Variants in RIPPLY1 observed in about 807,000 individuals in gnomAD.
RIPPLY1 encodes the protein ripply transcriptional repressor 1.
Under a neutral mutation model 8.7 loss-of-function variants are expected in RIPPLY1, and 10 were observed. That is an observed-to-expected ratio of 1.15 (90% CI 0.71 to 1.94). The LOEUF (loss-of-function observed/expected upper bound fraction) is 1.94, where lower values mean the gene tolerates loss of function less well. Ranked by LOEUF, RIPPLY1 falls within the 30% of genes most tolerant of loss-of-function variation. The pLI, the probability that RIPPLY1 is intolerant of heterozygous loss-of-function variation, is 0.00. For synonymous variants in RIPPLY1, 54 were observed against 44.8 expected (o/e 1.20, Z -0.82); for missense variants, 118 against 108.7 (o/e 1.09, Z -0.38).
Position 106,902,156 on chromosome X carries a change from C to T in RIPPLY1, c.215G>A (p.Arg72Lys). ...SSTNDSPRQM[R>K]KLVDLAAGGA... Reference sequence around the variant, plus strand: ...CGAACTCACCAAATCCACCAGCTTCCTCATCTGCCTTGGGGAGTCATTTGT... The same window carrying T: ...CGAACTCACCAAATCCACCAGCTTCTTCATCTGCCTTGGGGAGTCATTTGT... The change falls in exon 2 of 4, where the codon AGG (arginine) becomes AAG (lysine). Residue 72 changes from arginine (R) to lysine (K), a missense_variant. Physicochemically the swap from Arg to Lys is conservative, Grantham distance 26. Transcript: ENST00000276173. The T allele has an allele frequency of 8.4e-7, 1 of 1,194,964 alleles. No individual in the cohort carries two copies. The highest frequency in any genetic ancestry group is 1.1e-6 in the Non-Finnish European group (1 of 886,871).
At chrX:106,902,740 G>A (rs1156892906) in intron 1 of RIPPLY1, among the ~76,000 whole-genome samples, 5 of 112,102 alleles carry the variant, frequency 4.5e-5, no homozygotes, top group Non-Finnish European at 9.4e-5. Flanking sequence ...GGCGTGGTCA[G>A]GAAAAAGACA....
At chrX:106,902,315 C>T in intron 1 of RIPPLY1, 100 bp from the exon 2 acceptor site, 1 of 672,697 alleles carries the variant, frequency 1.5e-6, no homozygotes, top group Non-Finnish European at 2.3e-6. Flanking sequence ...CAGGTGCCAT[C>T]TGCTCCAGGA....
rs556793491 is a variant in RIPPLY1 at position 106,900,734 on chromosome X, C to G, written c.*15G>C. On this transcript the variant is annotated 3_prime_UTR_variant, in exon 4 of 4. Transcript: ENST00000276173. ...GTACCCTCACACACCCTTCTGGCCCCTTTTCATTGGCCTCCTACTTCTCTT... is the reference window on the plus strand; with the variant it reads ...GTACCCTCACACACCCTTCTGGCCCGTTTTCATTGGCCTCCTACTTCTCTT... 8.3e-7 allele frequency: 1 copy of G among 1,198,019 alleles called. No homozygotes were observed. The highest frequency in any genetic ancestry group is 1.1e-6 in the Non-Finnish European group (1 of 889,123).
chrX:106,901,339 G>A, intron 3 of RIPPLY1, 135 bp downstream of exon 3: 1 of 621,998 alleles, frequency 1.6e-6, no homozygotes, highest in Non-Finnish European at 2.5e-6. Context: ...ACCTCTCTGG[G>A]CTCCAGTTTT....
In RIPPLY1 at chrX:106,900,672, G is replaced by C; in HGVS notation, c.*77C>G. The C allele has an allele frequency of 8.8e-7, 1 of 1,131,136 alleles. No homozygotes were observed. Among genetic ancestry groups the C allele is most frequent in the Non-Finnish European group, 1.2e-6 (1 of 854,594 alleles). 93.2% of individuals were successfully genotyped at this position (1,131,136 alleles called of 1,213,427 possible). ...ATTTGGATAGGTTAGGGGTGAGGAA[G>C]GGGGATGAGCTGTGGCGCTGTAGGG... On this transcript the variant is annotated 3_prime_UTR_variant, in exon 4 of 4. Coordinates refer to ENST00000276173, the MANE Select transcript of RIPPLY1 (RefSeq NM_138382.3).
rs1490812601 is a variant in RIPPLY1, at chrX:106,903,162, G to A, written c.126C>T (p.Ser42=). Residue 42 remains serine (S), a synonymous_variant, in exon 1 of 4, where the codon TCC becomes TCT. Transcript: ENST00000276173. ...PGLLSPSCLL[S]SGQEVNGSER... is the part of the protein sequence containing the mutation. The stretch of plus-strand genomic sequence containing the variant: ...CACTCCCATTTACTTCTTGTCCAGA[G>A]GAGAGAAGGCAAGATGGGCTTAACA... The A allele has an allele frequency of 3.3e-6, 4 of 1,210,049 alleles. No homozygotes were observed. Among genetic ancestry groups the A allele is most frequent in the Non-Finnish European group, 4.5e-6 (4 of 895,024 alleles).
Position 106,900,833 on chromosome X carries a change from G to A in RIPPLY1, c.372C>T (p.Val124=). Residue 124 remains valine (V), a synonymous_variant, in exon 4 of 4, where the codon GTC becomes GTT. Transcript: ENST00000276173. Reference sequence around the variant, plus strand: ...CCTCGTATAGGTTGATGGTTGCCTGGACAGGAAAGTTCTGCAGTAAAATCT... The same window carrying A: ...CCTCGTATAGGTTGATGGTTGCCTGAACAGGAAAGTTCTGCAGTAAAATCT... The part of the protein sequence containing the change: ...AGEILLQNFP[V]QATINLYEDS... 1 of 1,211,518 alleles carries A rather than the reference G, an allele frequency of 8.3e-7. No homozygotes were observed. Among genetic ancestry groups the A allele is most frequent in the Non-Finnish European group, 1.1e-6 (1 of 895,405 alleles).
In RIPPLY1 at chrX:106,900,627, A is replaced by G. The variant is rs1193356261; in HGVS notation, c.*122T>C. On this transcript the variant is annotated 3_prime_UTR_variant, in exon 4 of 4. Transcript: ENST00000276173. ...AACTTGCCAGACAAACTGAACCCCA[A>G]TCAGACTCTGGCTGCCTCCATTTGG... 4.0e-5 allele frequency: 42 copies of G among 1,059,048 alleles called. No homozygotes were observed. The highest frequency in any genetic ancestry group is 5.2e-5 in the Non-Finnish European group (42 of 815,019). 87.3% of individuals were successfully genotyped at this position (1,059,048 alleles called of 1,213,427 possible).
At chrX:106,902,376 C>T (rs771387797) in intron 1 of RIPPLY1, among the ~76,000 whole-genome samples, 161 bp from the exon 2 acceptor site, 1 of 112,168 alleles carries the variant, frequency 8.9e-6, no homozygotes, top group Non-Finnish European at 1.9e-5. Flanking sequence ...TCCCTCCTCT[C>T]GGCTTCAGCA....
At chrX:106,902,814 T>C (rs1056779300) in intron 1 of RIPPLY1, among the ~76,000 whole-genome samples, 10 of 111,980 alleles carry the variant, frequency 8.9e-5, no homozygotes, top group African/African-American at 1.3e-4. Context: ...ACCCCCACAG[T>C]CTAGATTGTG....
intron 3 of RIPPLY1, 135 bp from the exon 4 acceptor site, chrX:106,901,043 A>C: frequency 2.9e-6 from 3 of 1,020,862 alleles, no homozygotes; most frequent in Non-Finnish European, 3.8e-6. Context: ...GGAAGAAAGA[A>C]AGTTTTGTAA....
Position 106,901,502 on chromosome X carries a change from C to T in RIPPLY1, c.268G>A (p.Ala90Thr), listed in dbSNP as rs1289394906. The change falls in exon 3 of 4, where the codon GCT becomes ACT. Residue 90 changes from alanine to threonine, a missense_variant. Ala to Thr is a moderately conservative substitution (Grantham distance 58). Transcript: ENST00000276173. Reference protein sequence around the residue: ...GGATAAEVTKAESKFHHPVRL... With the variant: ...GGATAAEVTKTESKFHHPVRL... ...ACAGGGTGATGGAACTTGGATTCAG[C>T]CTTGGTGACCTCAGCAGCCGTTGCC... is the stretch of plus-strand genomic sequence containing the variant. The T allele has an allele frequency of 1.7e-6, 2 of 1,211,593 alleles. No individual in the cohort carries two copies. The highest frequency in any genetic ancestry group is 3.0e-5 in the East Asian group (1 of 33,851).
In RIPPLY1 at chrX:106,900,808, C is replaced by T; in HGVS notation, c.397G>A (p.Asp133Asn). The T allele has an allele frequency of 1.7e-6, 2 of 1,211,466 alleles. No homozygotes were observed. The highest frequency in any genetic ancestry group is 2.2e-6 in the Non-Finnish European group (2 of 895,345). Residue 133 changes from aspartate to asparagine, a missense_variant, in exon 4 of 4, where the codon GAC (aspartate) becomes AAC (asparagine). By Grantham distance (23) the Asp-to-Asn change is conservative (BLOSUM62 1). Transcript: ENST00000276173. ...TCCTCTTCTTCTTCGCTGTCTGAGT[C>T]CTCGTATAGGTTGATGGTTGCCTGG... Reference protein sequence around the residue: ...PVQATINLYEDSDSEEEEEDE... With the variant: ...PVQATINLYENSDSEEEEEDE...
chrX:106,902,335 T>TAGGA, intron 1 of RIPPLY1, 120 bp from the exon 2 acceptor site: 1 of 534,128 alleles, frequency 1.9e-6, no homozygotes, highest in Non-Finnish European at 3.1e-6. Flanking sequence ...AAGCCTTTCC[T>TAGGA]AAGGCTCCTG....
At chrX:106,902,801 C>T (rs532687417) in intron 1 of RIPPLY1, among the ~76,000 whole-genome samples, 1 of 112,197 alleles carries the variant, frequency 8.9e-6, no homozygotes, top group Admixed American at 9.4e-5. Flanking sequence ...CCCCAAACTC[C>T]CCACCCCCAC....
chrX:106,901,279 G>A (rs959969339), intron 3 of RIPPLY1, among the ~76,000 whole-genome samples, 195 bp downstream of exon 3: 1 of 111,693 alleles, frequency 9.0e-6, no homozygotes, highest in Non-Finnish European at 1.9e-5. Flanking sequence ...ATCATTCTTG[G>A]GCATCGTTAA....
chrX:106,901,122 TG>T (rs1433598918), intron 3 of RIPPLY1, among the ~76,000 whole-genome samples: 1 of 112,221 alleles, frequency 8.9e-6, no homozygotes, highest in Non-Finnish European at 1.9e-5. Flanking sequence ...CTATAGTGGT[TG>T]GGTCGGGGGC....
At position 106,900,886 on chromosome X, in the gene RIPPLY1, A is replaced by G; in HGVS notation, c.319T>C (p.Ser107Pro). ...PVRLFWPKSR[S>P]FDYLYSAGEI... is the part of the protein sequence containing the mutation. ...CCAGCACTGTACAGATAGTCGAAGGAGCGGGATTTAGGCCAGAAGAGCCTG... is the reference window on the plus strand; with the variant it reads ...CCAGCACTGTACAGATAGTCGAAGGGGCGGGATTTAGGCCAGAAGAGCCTG... The change falls in exon 4 of 4, where the codon TCC (serine) becomes CCC (proline). Residue 107 changes from serine (S) to proline (P), a missense_variant. Ser to Pro is a moderately conservative substitution (Grantham distance 74). Transcript: ENST00000276173. The G allele has an allele frequency of 1.7e-6, 2 of 1,210,809 alleles. No homozygotes were observed. The highest frequency in any genetic ancestry group is 1.7e-5 in the African/African-American group (1 of 57,750).
intron 1 of RIPPLY1, among the ~76,000 whole-genome samples, chrX:106,902,631 C>A (rs774109350): frequency 8.9e-6 from 1 of 112,043 alleles, no homozygotes; most frequent in Non-Finnish European, 1.9e-5. Context: ...AGAGCTCTAC[C>A]ATCTTCCTGG....
Sources: gnomAD v4.1 joint callset for allele counts (sites outside exome capture counted in the v4.1 genomes callset) on GRCh38, gnomAD v4.1.1 for gene constraint, MANE v1.5 for transcripts, NCBI Gene and HGNC (gene_info 2026-07-23, HGNC 2026-07-21) for gene names.